Variants in C10orf67 observed in about 807,000 individuals in gnomAD.
C10orf67 encodes uncharacterized protein C10orf67, mitochondrial.
A neutral mutation model predicts 35.6 loss-of-function variants in C10orf67; 60 were observed. That is an observed-to-expected ratio of 1.68 (90% CI 1.37 to 2.09). The LOEUF (loss-of-function observed/expected upper bound fraction) is 2.09. Among genes scored for constraint, C10orf67 ranks in the 30% most tolerant of loss-of-function variants. C10orf67 has a pLI of 0.00. For missense variants in C10orf67, 474 were observed against 330.2 expected (o/e 1.44, Z -3.38); for synonymous variants, 167 against 115.8 (o/e 1.44, Z -2.84).
chr10:23,234,239 C>T (rs1841982203), intron 13 of C10orf67, among the ~76,000 whole-genome samples: 1 of 152,120 alleles, frequency 6.6e-6, no homozygotes, highest in African/African-American at 2.4e-5. Context: ...TTAATTGCAG[C>T]ACTATTCACA....
chr10:23,296,614 C>G (rs7095180), intron 5 of C10orf67, among the ~76,000 whole-genome samples: 87,929 of 151,912 alleles, frequency 0.58, 26,652 homozygotes, highest in East Asian at 0.88. Flanking sequence ...TTGGGGTGTA[C>G]TAGGGGTCGT....
chr10:23,229,461 A>G (rs1841844572), intron 13 of C10orf67, among the ~76,000 whole-genome samples: 2 of 150,208 alleles, frequency 1.3e-5, no homozygotes, highest in South Asian at 4.3e-4. Context: ...GAGGGATAGC[A>G]TTAGGAGATA....
At chr10:23,253,550 C>A (rs1332629094) in intron 10 of C10orf67, among the ~76,000 whole-genome samples, 1 of 152,044 alleles carries the variant, frequency 6.6e-6, no homozygotes, top group Non-Finnish European at 1.5e-5. Flanking sequence ...AAAAATTAAT[C>A]CCCAGAAAAT....
chr10:23,300,991 C>G (rs1406940604), intron 5 of C10orf67, among the ~76,000 whole-genome samples: 1 of 152,238 alleles, frequency 6.6e-6, no homozygotes, highest in Non-Finnish European at 1.5e-5. Flanking sequence ...CCTTGTAAAA[C>G]ATCAATATAG....
intron 2 of C10orf67, among the ~76,000 whole-genome samples, chr10:23,324,264 G>T (rs1254379284): frequency 6.6e-6 from 1 of 151,804 alleles, no homozygotes; most frequent in Non-Finnish European, 1.5e-5. Context: ...CTCTTTTGTA[G>T]CTATATCTTG....
intron 2 of C10orf67, among the ~76,000 whole-genome samples, chr10:23,328,993 C>CAAAAAAAAAAAAAAAAAAAAGAAGAAAAA (rs1845314270): frequency 1.3e-5 from 1 of 78,732 alleles, no homozygotes; most frequent in Non-Finnish European, 2.5e-5. Context: ...CATAAACGAA[C>CAAAAAAAAAAAAAAAAAAAAGAAGAAAAA]AAAAAAAAAA....
intron 15 of C10orf67, among the ~76,000 whole-genome samples, chr10:23,205,611 T>C (rs1841136790): frequency 6.6e-6 from 1 of 152,170 alleles, no homozygotes; most frequent in Admixed American, 6.5e-5. Flanking sequence ...TTTTAGTCTA[T>C]TAGAAATCAG....
intron 13 of C10orf67, among the ~76,000 whole-genome samples, chr10:23,230,511 A>C (rs539668539): frequency 6.6e-6 from 1 of 152,202 alleles, no homozygotes; most frequent in Non-Finnish European, 1.5e-5. Context: ...CCAGAAAAAG[A>C]TTAAAAACTT....
chr10:23,272,539 C>G (rs376593303), intron 8 of C10orf67, among the ~76,000 whole-genome samples: 1 of 152,206 alleles, frequency 6.6e-6, no homozygotes, highest in Non-Finnish European at 1.5e-5. Flanking sequence ...CTAGTCTATT[C>G]CAGCAATCTA....
intron 13 of C10orf67, among the ~76,000 whole-genome samples, chr10:23,236,476 C>T (rs977564743): frequency 3.3e-5 from 5 of 151,884 alleles, no homozygotes; most frequent in African/African-American, 1.2e-4. Context: ...AAAAAAACAA[C>T]AATATCAAGT....
rs1390319482 is a variant in C10orf67 at position 23,344,694 on chromosome 10, CAAG to C, written c.78_80del (p.Leu27del). The C allele has an allele frequency of 6.3e-7, 1 of 1,576,060 alleles. No homozygotes were observed. Among genetic ancestry groups the C allele is most frequent in the East Asian group, 2.3e-5 (1 of 42,652 alleles). ...CCCAGCGTGTGCCAAAGGTCCCCCT[CAAG>C]GAGGAGGAAAAGCAGTGAACCCATC... On this transcript the variant is annotated inframe_deletion, in exon 1 of 16. Coordinates refer to ENST00000636213, the MANE Select transcript of C10orf67 (RefSeq NM_001371909.1).
chr10:23,256,736 G>A (rs1203826273), intron 10 of C10orf67, among the ~76,000 whole-genome samples: 1 of 151,936 alleles, frequency 6.6e-6, no homozygotes, highest in African/African-American at 2.4e-5. Flanking sequence ...ATTGAGGGCA[G>A]AGCAATTTTG....
At chr10:23,249,377 T>C (rs1467294421) in intron 12 of C10orf67, among the ~76,000 whole-genome samples, 1 of 152,224 alleles carries the variant, frequency 6.6e-6, no homozygotes, top group African/African-American at 2.4e-5. Flanking sequence ...ATCTACGTTC[T>C]GTTCTTAAAT....
At chr10:23,225,245 C>T (rs1267926046) in intron 13 of C10orf67, among the ~76,000 whole-genome samples, 1 of 152,096 alleles carries the variant, frequency 6.6e-6, no homozygotes, top group Admixed American at 6.5e-5. Context: ...ATTTTCAACC[C>T]AGAATTTCAT....
chr10:23,227,750 C>A (rs1588591827), intron 13 of C10orf67, among the ~76,000 whole-genome samples: 3 of 152,218 alleles, frequency 2.0e-5, no homozygotes, highest in Middle Eastern at 6.8e-3. Context: ...TCTCAGGATA[C>A]AAAATCAATG....
At chr10:23,250,742 G>A (rs952930252) in intron 10 of C10orf67, 51 bp from the exon 11 acceptor site, 5 of 397,760 alleles carry the variant, frequency 1.3e-5, no homozygotes, top group African/African-American at 4.1e-5. Context: ...AATATATCTT[G>A]TTTCTCCATA....
chr10:23,206,211 A>G (rs1423886012), intron 15 of C10orf67, among the ~76,000 whole-genome samples: 1 of 152,182 alleles, frequency 6.6e-6, no homozygotes, highest in Admixed American at 6.5e-5. Flanking sequence ...TTCAAAACCA[A>G]TGGAATGGTT....
intron 7 of C10orf67, among the ~76,000 whole-genome samples, chr10:23,285,217 C>G (rs1163149499): frequency 6.6e-6 from 1 of 151,594 alleles, no homozygotes; most frequent in Non-Finnish European, 1.5e-5. Context: ...ATCCAGGGTT[C>G]TAGATTCTTT....
chr10:23,290,982 T>A (rs1277937626), intron 6 of C10orf67, 150 bp downstream of exon 6: 7 of 577,586 alleles, frequency 1.2e-5, no homozygotes, highest in Non-Finnish European at 3.1e-6. Flanking sequence ...AGAAGTGCTA[T>A]CTTTAATAAA....
Sources: allele counts gnomAD v4.1 joint callset (sites outside exome capture counted in the v4.1 genomes callset), GRCh38; gene constraint gnomAD v4.1.1; transcripts MANE v1.5; gene names NCBI Gene and HGNC (gene_info 2026-07-23, HGNC 2026-07-21).